Variants in PTPRG observed in about 807,000 individuals in gnomAD.
The protein encoded by PTPRG is receptor-type tyrosine-protein phosphatase gamma.
A neutral mutation model predicts 165.3 loss-of-function variants in PTPRG; 102 were observed. The ratio of observed to expected loss-of-function variants is 0.62; its 90% CI spans 0.53 to 0.73. The LOEUF (loss-of-function observed/expected upper bound fraction) is 0.73, where lower values mean the gene tolerates loss of function less well. PTPRG is among the 30% of genes least tolerant of loss of function. The pLI is 0.00. For missense variants in PTPRG, 1,866 were observed against 1,861.4 expected, an observed-to-expected ratio of 1.00 and a Z score of -0.05; for synonymous variants, 675 against 669.5, an observed-to-expected ratio of 1.01 and a Z score of -0.13.
At chr3:61,982,003 A>T (rs1402870914) in intron 2 of PTPRG, among the ~76,000 whole-genome samples, 1 of 152,190 alleles carries the variant, frequency 6.6e-6, no homozygotes, top group Admixed American at 6.5e-5. Flanking sequence ...GCCTTGAACT[A>T]GAACTCAAGT....
chr3:61,942,063 A>G (rs1328569660), intron 2 of PTPRG, among the ~76,000 whole-genome samples: 1 of 151,658 alleles, frequency 6.6e-6, no homozygotes, highest in Non-Finnish European at 1.5e-5. Context: ...GGAGGCTGAG[A>G]TAGGAGAGTC....
In PTPRG at chr3:62,195,167, C is replaced by A; in HGVS notation, c.1324C>A (p.Gln442Lys). 6.2e-7 allele frequency: 1 copy of A among 1,614,062 alleles called. No homozygotes were observed. Among genetic ancestry groups the A allele is most frequent in the Non-Finnish European group, 8.5e-7 (1 of 1,179,900 alleles). The part of the protein sequence containing the change: ...RSDFSQTMLF[Q>K]ANTTRIFQGT... ...CGACTTTAGCCAGACGATGCTGTTT[C>A]AAGGTGAGGCTGGCTTCCCCTCCTG... The change falls in exon 10 of 30, where the codon CAA becomes AAA. Residue 442 changes from glutamine to lysine, a missense_variant. By Grantham distance (53) the Gln-to-Lys change is moderately conservative (BLOSUM62 1). Transcript: ENST00000474889. This position sits in a 1 kb window ranked among gnomAD's most constrained non-coding sequence, Gnocchi z 4.4.
chr3:61,699,248 A>T (rs2030810322), intron 1 of PTPRG, among the ~76,000 whole-genome samples: 1 of 152,166 alleles, frequency 6.6e-6, no homozygotes, highest in East Asian at 1.9e-4. Flanking sequence ...GAAAAAAAAA[A>T]TTATTTTTCA....
intron 1 of PTPRG, among the ~76,000 whole-genome samples, chr3:61,654,330 A>G (rs1349340201): frequency 6.6e-6 from 1 of 152,030 alleles, no homozygotes; most frequent in Non-Finnish European, 1.5e-5. Context: ...TTTTTGCTTC[A>G]TATGCTTTGA....
chr3:62,204,424 G>T (rs1044490930), intron 12 of PTPRG, among the ~76,000 whole-genome samples: 3 of 152,128 alleles, frequency 2.0e-5, no homozygotes, highest in Non-Finnish European at 4.4e-5. Flanking sequence ...TAGCTGGAGC[G>T]CATGCCCAGA....
At chr3:62,265,210 T>C (rs989215484) in intron 17 of PTPRG, among the ~76,000 whole-genome samples, 1 of 152,224 alleles carries the variant, frequency 6.6e-6, no homozygotes. Flanking sequence ...ATATACAGTT[T>C]GCAAATATTT....
intron 2 of PTPRG, among the ~76,000 whole-genome samples, chr3:61,895,613 G>C (rs2038334797): frequency 6.6e-6 from 1 of 152,114 alleles, no homozygotes; most frequent in Admixed American, 6.5e-5. Context: ...TCACCAGGAG[G>C]GCATTTTATT....
At chr3:61,871,770 C>CA (rs762639995) in intron 2 of PTPRG, among the ~76,000 whole-genome samples, 3 of 152,194 alleles carry the variant, frequency 2.0e-5, no homozygotes, top group Non-Finnish European at 2.9e-5. Flanking sequence ...CTGGAAATCA[C>CA]AAGGCCTTTT....
chr3:61,567,564 G>A (rs1699942461), intron 1 of PTPRG, among the ~76,000 whole-genome samples: 1 of 150,690 alleles, frequency 6.6e-6, no homozygotes, highest in Admixed American at 6.7e-5. Context: ...TACTTGGGAG[G>A]CCAAGATGGG....
intron 1 of PTPRG, among the ~76,000 whole-genome samples, chr3:61,620,162 C>T (rs745624018): frequency 2.0e-4 from 30 of 151,640 alleles, no homozygotes; most frequent in Admixed American, 6.6e-4. Context: ...CGTGACTGGA[C>T]GAATAAGGGA....
At chr3:62,204,982 A>G (rs1394820148) in intron 12 of PTPRG, among the ~76,000 whole-genome samples, 3 of 152,032 alleles carry the variant, frequency 2.0e-5, no homozygotes, top group Admixed American at 6.5e-5. Flanking sequence ...TTTTGCGTCT[A>G]AGCTGTTGTG....
At chr3:61,919,648 A>T (rs1413800821) in intron 2 of PTPRG, among the ~76,000 whole-genome samples, 1 of 152,110 alleles carries the variant, frequency 6.6e-6, no homozygotes, top group Non-Finnish European at 1.5e-5. Flanking sequence ...CTAGGGAATC[A>T]TGGTTGCATC....
chr3:61,563,475 C>T (rs889011289), intron 1 of PTPRG, among the ~76,000 whole-genome samples: 6 of 152,138 alleles, frequency 3.9e-5, no homozygotes, highest in African/African-American at 1.2e-4. Flanking sequence ...GGCAGCAGCC[C>T]CGAGCTCCCT....
Position 61,738,313 on chromosome 3 carries a change from CAT to C in PTPRG, c.86-10542_86-10541del, listed in dbSNP as rs1287861300. ...ATATATATATATATATATATATATA[CAT>C]ATATATATATATATATATATATGTA... On this transcript the variant is annotated intron_variant, in intron 1 of 29. Transcript: ENST00000474889. 1.6e-3 allele frequency among the ~76,000 whole-genome samples: 121 copies of C among 76,168 alleles called. 3 individuals carry two copies. Among genetic ancestry groups the C allele is most frequent in the South Asian group, 0.01 (18 of 1,780 alleles). The allele number at this position is 76,168 out of a possible 152,430, so 50.0% of individuals were successfully genotyped here.
chr3:61,577,794 C>A (rs1700200514), intron 1 of PTPRG, among the ~76,000 whole-genome samples: 1 of 152,190 alleles, frequency 6.6e-6, no homozygotes, highest in Non-Finnish European at 1.5e-5. Context: ...TACCTGTTTT[C>A]TCTTCCCTAC....
intron 1 of PTPRG, among the ~76,000 whole-genome samples, chr3:61,676,476 A>AAAGG (rs1703232997): frequency 6.8e-6 from 1 of 146,088 alleles, no homozygotes; most frequent in Non-Finnish European, 1.5e-5. Context: ...AAAAAAAAAG[A>AAAGG]AAATTACTAA....
At chr3:61,701,122 A>G (rs1320766284) in intron 1 of PTPRG, among the ~76,000 whole-genome samples, 1 of 152,112 alleles carries the variant, frequency 6.6e-6, no homozygotes, top group African/African-American at 2.4e-5. Context: ...GGCTAGCTGC[A>G]TATTTCTTCT....
At chr3:62,225,394 G>A (rs889151697) in intron 13 of PTPRG, among the ~76,000 whole-genome samples, 4 of 152,200 alleles carry the variant, frequency 2.6e-5, no homozygotes, top group African/African-American at 9.6e-5. Context: ...GGAGCTATGT[G>A]CCCGGTGTCC....
At chr3:62,192,384 A>G (rs968875669) in intron 9 of PTPRG, among the ~76,000 whole-genome samples, 1 of 141,510 alleles carries the variant, frequency 7.1e-6, no homozygotes, top group Non-Finnish European at 1.5e-5. Context: ...CAAACTCCAC[A>G]ACTACTGTCT....
Sources: allele counts gnomAD v4.1 joint callset (sites outside exome capture counted in the v4.1 genomes callset), GRCh38; gene constraint gnomAD v4.1.1; non-coding constraint Gnocchi (gnomAD v3.1); transcripts MANE v1.5; gene names NCBI Gene and HGNC (gene_info 2026-07-23, HGNC 2026-07-21).